The following CDK5RAP2 variants were observed in gnomAD, a reference collection of about 807,000 sequenced individuals.
CDK5RAP2 encodes CDK5 regulatory subunit-associated protein 2.
Under a neutral mutation model 232.9 loss-of-function variants are expected in CDK5RAP2, and 147 were observed. The ratio of observed to expected loss-of-function variants is 0.63; its 90% confidence interval spans 0.55 to 0.72. The LOEUF is 0.72. Among genes scored for constraint, CDK5RAP2 ranks in the 30% least tolerant of loss-of-function variants. The pLI is 0.00. For synonymous variants in CDK5RAP2, 833 were observed against 833.7 expected (o/e 1.00, Z 0.01); for missense variants, 2,195 against 2,231.5 (o/e 0.98, Z 0.33).
intron 7 of CDK5RAP2, among the ~76,000 whole-genome samples, chr9:120,536,119 T>G (rs1337748396): frequency 1.3e-5 from 2 of 152,130 alleles, no homozygotes; most frequent in African/African-American, 4.8e-5. Flanking sequence ...AGTATCTGAG[T>G]GGAACTTTTT....
chr9:120,402,929 C>T lies in CDK5RAP2; in HGVS notation c.5184G>A (p.Leu1728=). 1 of 1,614,174 alleles carries T rather than the reference C, an allele frequency of 6.2e-7. No homozygotes were observed. Among genetic ancestry groups the T allele is most frequent in the Non-Finnish European group, 8.5e-7 (1 of 1,180,038 alleles). ...GGGCCTCATAGTCCTCAATCAGGCC[C>T]AGGACATGGCGGCCATTCTTGCTGG... ...LWASKNGRHV[L]GLIEDYEALL... The change falls in exon 34 of 38, where the codon CTG becomes CTA. Residue 1728 remains leucine (L), a synonymous_variant. Transcript: ENST00000349780.
In CDK5RAP2 at chr9:120,390,123, C is replaced by A. The variant is rs1694216400; in HGVS notation, c.5579-336G>T. ...GTCCAGGTATCCCTCAGGCTCACTT[C>A]TGTGGGCCAGGGAGGGCAATGGCGC... On this transcript the variant is annotated intron_variant, in intron 36 of 37. Transcript: ENST00000349780. 4.8e-5 allele frequency: 15 copies of A among 313,028 alleles called. No homozygotes were observed. The South Asian group carries it at 5.3e-4, about 11-fold the overall frequency. 19.4% of individuals were successfully genotyped at this position (313,028 alleles called of 1,614,324 possible).
intron 21 of CDK5RAP2, among the ~76,000 whole-genome samples, chr9:120,451,625 G>A (rs1157139725): frequency 6.6e-6 from 1 of 152,026 alleles, no homozygotes; most frequent in Non-Finnish European, 1.5e-5. Context: ...ATAGACTGGA[G>A]GCCATGGTGG....
chr9:120,465,582 C>A (rs1246797681), intron 18 of CDK5RAP2, among the ~76,000 whole-genome samples: 2 of 150,954 alleles, frequency 1.3e-5, no homozygotes, highest in African/African-American at 2.4e-5. Context: ...GTCTTTTACA[C>A]ATTAAAAGTT....
chr9:120,463,525 C>T (rs911631590), intron 18 of CDK5RAP2, among the ~76,000 whole-genome samples: 1 of 152,172 alleles, frequency 6.6e-6, no homozygotes, highest in Admixed American at 6.5e-5. Context: ...CCCCAAAGAC[C>T]TTGTTGTATT....
intron 1 of CDK5RAP2, among the ~76,000 whole-genome samples, chr9:120,575,353 G>A (rs907214750): frequency 1.1e-4 from 17 of 151,996 alleles, no homozygotes; most frequent in Admixed American, 3.9e-4. Flanking sequence ...GCGCCCAGCT[G>A]TAGCAACTGT....
intron 12 of CDK5RAP2, among the ~76,000 whole-genome samples, chr9:120,497,781 G>A (rs1316142380): frequency 2.6e-5 from 4 of 152,194 alleles, no homozygotes; most frequent in Non-Finnish European, 5.9e-5. Context: ...GGCAGGGCTT[G>A]ATATCTGACA....
intron 12 of CDK5RAP2, among the ~76,000 whole-genome samples, chr9:120,517,022 G>GT (rs2040369357): frequency 6.6e-6 from 1 of 152,160 alleles, no homozygotes. Flanking sequence ...CAGTGAAAGG[G>GT]TATGCATCAT....
intron 14 of CDK5RAP2, among the ~76,000 whole-genome samples, chr9:120,479,229 T>C (rs2038179226): frequency 1.3e-5 from 2 of 151,798 alleles, no homozygotes; most frequent in African/African-American, 4.8e-5. Flanking sequence ...GGAAAAAGAG[T>C]AGGTTTTTCT....
intron 19 of CDK5RAP2, among the ~76,000 whole-genome samples, chr9:120,460,169 G>A (rs1008063271): frequency 2.0e-5 from 3 of 152,278 alleles, no homozygotes; most frequent in East Asian, 3.9e-4. Context: ...AGTTTACACA[G>A]TCCAGAAACA....
chr9:120,529,692 A>C (rs1377035838), intron 8 of CDK5RAP2, among the ~76,000 whole-genome samples: 2 of 152,318 alleles, frequency 1.3e-5, no homozygotes, highest in East Asian at 3.9e-4. Flanking sequence ...CCAAAGGATG[A>C]AAATAAAGTC....
In CDK5RAP2 at chr9:120,545,739, T is replaced by C. The variant is rs1468611457; in HGVS notation, c.358A>G (p.Arg120Gly). ...GAGGCTTTGATGAGCAGCTGCTCTC[T>C]CTCCTGGAGTTCCCGCTTCAGACTT... is the stretch of plus-strand genomic sequence containing the variant. ...VESLKRELQE[R>G]EQLLIKASKA... is the part of the protein sequence containing the mutation. The change falls in exon 5 of 38, where the codon AGA (arginine) becomes GGA (glycine). Residue 120 changes from arginine to glycine, a missense_variant. Coordinates refer to ENST00000349780, the MANE Select transcript of CDK5RAP2 (RefSeq NM_018249.6). 1 of 1,613,972 alleles carries C rather than the reference T, an allele frequency of 6.2e-7. No individual in the cohort carries two copies. The highest frequency in any genetic ancestry group is 1.3e-5 in the African/African-American group (1 of 75,046).
At chr9:120,503,268 T>C (rs1276775876) in intron 12 of CDK5RAP2, among the ~76,000 whole-genome samples, 2 of 152,184 alleles carry the variant, frequency 1.3e-5, no homozygotes, top group Non-Finnish European at 2.9e-5. Flanking sequence ...CTCCTTCTAA[T>C]GAATGGGGCA....
intron 15 of CDK5RAP2, among the ~76,000 whole-genome samples, chr9:120,472,251 G>T (rs1047480267): frequency 6.6e-6 from 1 of 152,182 alleles, no homozygotes; most frequent in African/African-American, 2.4e-5. Flanking sequence ...CCAGGTGAAT[G>T]TCCCACCACT....
chr9:120,555,606 T>C (rs2132087756), intron 3 of CDK5RAP2, among the ~76,000 whole-genome samples: 1 of 152,364 alleles, frequency 6.6e-6, no homozygotes, highest in Non-Finnish European at 1.5e-5. Context: ...ACTCTGCTGA[T>C]GCGAATGCAA....
At chr9:120,461,423 A>C (rs2037080597) in intron 18 of CDK5RAP2, among the ~76,000 whole-genome samples, 1 of 152,258 alleles carries the variant, frequency 6.6e-6, no homozygotes, top group Non-Finnish European at 1.5e-5. Flanking sequence ...CCGCAAAAGC[A>C]AAAATTCTAG....
chr9:120,542,526 T>C (rs1368336656), intron 5 of CDK5RAP2, among the ~76,000 whole-genome samples: 1 of 149,534 alleles, frequency 6.7e-6, no homozygotes, highest in African/African-American at 2.4e-5. Flanking sequence ...TGGGTACACC[T>C]AGCAGTTCCA....
At position 120,552,726 on chromosome 9, in the gene CDK5RAP2, G is replaced by T. The variant is rs931028035; in HGVS notation, c.196-1824C>A. On this transcript the variant is annotated intron_variant, in intron 3 of 37. Transcript: ENST00000349780. Reference sequence around the variant, plus strand: ...GGGGAGGGGGGAGGGATAGCATTAGGAGATATACCTAATGTTAAATGATGA... The same window carrying T: ...GGGGAGGGGGGAGGGATAGCATTAGTAGATATACCTAATGTTAAATGATGA... Among the ~76,000 whole-genome samples, 3 of 150,608 alleles carry T rather than the reference G, an allele frequency of 2.0e-5. No individual in the cohort carries two copies. In the South Asian group the frequency reaches 6.3e-4, roughly 32 times the overall value.
chr9:120,453,979 T>C (rs907848843), intron 20 of CDK5RAP2, 106 bp from the exon 21 acceptor site: 22 of 1,161,130 alleles, frequency 1.9e-5, no homozygotes, highest in Non-Finnish European at 2.3e-5. Context: ...CCAGATTCCA[T>C]CAAAACTAAA....
Sources: gnomAD v4.1 joint callset for allele counts (sites outside exome capture counted in the v4.1 genomes callset) on GRCh38, gnomAD v4.1.1 for gene constraint, MANE v1.5 for transcripts, NCBI Gene and HGNC (gene_info 2026-07-23, HGNC 2026-07-21) for gene names.